The following RAB3GAP1 variants were observed in gnomAD, a reference collection of about 807,000 sequenced individuals.
The protein encoded by RAB3GAP1 is rab3 GTPase-activating protein catalytic subunit.
In RAB3GAP1, 86 loss-of-function variants were observed where a neutral mutation model predicts 130.7. The observed-to-expected ratio is 0.66, with a 90% CI of 0.55 to 0.79. The LOEUF is 0.79. Ranked by LOEUF, RAB3GAP1 falls within the 30% of genes least tolerant of loss-of-function variation. The pLI is 0.00. For missense variants in RAB3GAP1, 1,029 were observed against 1,169.4 expected (o/e 0.88, Z 1.75); for synonymous variants, 367 against 401.7 (o/e 0.91, Z 1.03).
chr2:135,134,091 AC>A, intron 15 of RAB3GAP1, 58 bp downstream of exon 15: 4 of 1,594,878 alleles, frequency 2.5e-6, no homozygotes, highest in Non-Finnish European at 3.4e-6. Flanking sequence ...CAGACATTTG[AC>A]TTTTGACCTA....
At chr2:135,106,624 G>T (rs991526607) in intron 5 of RAB3GAP1, among the ~76,000 whole-genome samples, 9 of 152,042 alleles carry the variant, frequency 5.9e-5, no homozygotes, top group East Asian at 1.9e-4. Flanking sequence ...GCGGAAGGCC[G>T]CAGGGTCCTC....
At chr2:135,137,309 G>A (rs13406241) in intron 17 of RAB3GAP1, 3 of 236,642 alleles carry the variant, frequency 1.3e-5, no homozygotes, top group East Asian at 1.2e-4. Flanking sequence ...GAGTATGATC[G>A]CTTAGGGTGT....
At chr2:135,070,251 G>T (rs1689428921) in intron 3 of RAB3GAP1, among the ~76,000 whole-genome samples, 1 of 152,184 alleles carries the variant, frequency 6.6e-6, no homozygotes, top group Admixed American at 6.5e-5. Context: ...TGTGTCCCGG[G>T]CTGCAGTCCT....
chr2:135,096,816 T>A (rs1393358311), intron 5 of RAB3GAP1, among the ~76,000 whole-genome samples: 2 of 152,168 alleles, frequency 1.3e-5, no homozygotes, highest in African/African-American at 4.8e-5. Flanking sequence ...GTTATGAGGA[T>A]CAAATAAGAT....
intron 5 of RAB3GAP1, among the ~76,000 whole-genome samples, chr2:135,112,834 T>TCTCTCA (rs952841554): frequency 1.2e-4 from 16 of 132,470 alleles, no homozygotes; most frequent in African/African-American, 4.9e-4. Flanking sequence ...TCTCTCTCTC[T>TCTCTCA]CACACACACA....
At chr2:135,094,186 C>G (rs1352563338) in intron 5 of RAB3GAP1, among the ~76,000 whole-genome samples, 1 of 152,168 alleles carries the variant, frequency 6.6e-6, no homozygotes, top group African/African-American at 2.4e-5. Context: ...CTCCCCAAAT[C>G]CCATTTCCCA....
chr2:135,129,611 G>C (rs1170116143), intron 11 of RAB3GAP1, among the ~76,000 whole-genome samples: 10 of 152,034 alleles, frequency 6.6e-5, no homozygotes, highest in Admixed American at 6.5e-4. Flanking sequence ...AATGGATTTA[G>C]ATTCTAGTAG....
chr2:135,106,397 T>C (rs553267714), intron 5 of RAB3GAP1, among the ~76,000 whole-genome samples: 1 of 152,344 alleles, frequency 6.6e-6, no homozygotes, highest in Non-Finnish European at 1.5e-5. Context: ...GAGACTCCAT[T>C]TTGTTCTGTA....
chr2:135,095,225 T>G (rs1690258771), intron 5 of RAB3GAP1, among the ~76,000 whole-genome samples: 1 of 152,176 alleles, frequency 6.6e-6, no homozygotes, highest in African/African-American at 2.4e-5. Flanking sequence ...ATTTTTTGTA[T>G]TTTTAGTAGA....
At position 135,135,252 on chromosome 2, in the gene RAB3GAP1, CTTTA is replaced by C. The variant is rs773735842; in HGVS notation, c.1500-9_1500-6del. On this transcript the variant is annotated splice_polypyrimidine_tract_variant and intron_variant, in intron 15 of 23. Coordinates refer to ENST00000264158, the MANE Select transcript of RAB3GAP1 (RefSeq NM_012233.3). ...AAAACTAAGCTTTCTTTTCTCCTTA[CTTTA>C]TTTGATAGATTAGCAAGTGGACCCC... 2 of 1,602,024 alleles carry C rather than the reference CTTTA, an allele frequency of 1.2e-6. No homozygotes were observed. Among genetic ancestry groups the C allele is most frequent in the Non-Finnish European group, 1.7e-6 (2 of 1,169,210 alleles).
intron 8 of RAB3GAP1, among the ~76,000 whole-genome samples, chr2:135,122,449 T>G (rs1312379070): frequency 6.6e-6 from 1 of 152,226 alleles, no homozygotes; most frequent in African/African-American, 2.4e-5. Flanking sequence ...GCTCGTGATC[T>G]GTGAAGAAGC....
chr2:135,164,711 T>A lies in RAB3GAP1; in HGVS notation c.2709+15T>A. On this transcript the variant is annotated intron_variant, in intron 23 of 23. Transcript: ENST00000264158. ...ATGCCCAGAGGGTATGTGAGAGTCA[T>A]TATTGACTCCATCATAATCTCTCCA... is the stretch of plus-strand genomic sequence containing the variant. 2 of 1,560,116 alleles carry A rather than the reference T, an allele frequency of 1.3e-6. No homozygotes were observed. The highest frequency in any genetic ancestry group is 1.8e-6 in the Non-Finnish European group (2 of 1,133,350).
chr2:135,132,382 A>G (rs1397576433), intron 13 of RAB3GAP1, among the ~76,000 whole-genome samples: 1 of 152,194 alleles, frequency 6.6e-6, no homozygotes, highest in Non-Finnish European at 1.5e-5. Flanking sequence ...TACATTGGTT[A>G]TTATAGGTTT....
intron 3 of RAB3GAP1, among the ~76,000 whole-genome samples, chr2:135,061,663 A>G (rs548680101): frequency 1.3e-5 from 2 of 151,630 alleles, no homozygotes; most frequent in African/African-American, 4.8e-5. Flanking sequence ...GAGTTGTAGG[A>G]GTTCTTTTAG....
intron 10 of RAB3GAP1, 31 bp from the exon 11 acceptor site, chr2:135,126,552 A>G (rs1420346628): frequency 1.3e-6 from 2 of 1,551,518 alleles, no homozygotes; most frequent in South Asian, 1.1e-5. Context: ...TGTCATAATT[A>G]GGATTTTATA....
At chr2:135,054,329 T>G (rs1447402075) in intron 2 of RAB3GAP1, among the ~76,000 whole-genome samples, 1 of 152,142 alleles carries the variant, frequency 6.6e-6, no homozygotes, top group Non-Finnish European at 1.5e-5. Flanking sequence ...TGAGAGACCC[T>G]TCGTTTTAGA....
In RAB3GAP1 at chr2:135,092,704, C is replaced by G. The variant is rs143059389; in HGVS notation, c.284-911C>G. Among the ~76,000 whole-genome samples, 444 of 152,278 alleles carry G rather than the reference C, an allele frequency of 2.9e-3. 3 individuals carry two copies. The highest frequency in any genetic ancestry group is 0.01 in the African/African-American group (424 of 41,560). ...CCACCTGCCTCGGCCTTCCAAAGTG[C>G]TGGGATTACAGGCGTGAATCACTGT... On this transcript the variant is annotated intron_variant, in intron 4 of 23. Coordinates refer to ENST00000264158, the MANE Select transcript of RAB3GAP1 (RefSeq NM_012233.3).
In RAB3GAP1 at chr2:135,059,583, T is replaced by C. The variant is rs563084702; in HGVS notation, c.150+1497T>C. Among the ~76,000 whole-genome samples, 263 of 152,296 alleles carry C rather than the reference T, an allele frequency of 1.7e-3. 1 individual carries two copies. Among genetic ancestry groups the C allele is most frequent in the African/African-American group, 6.2e-3 (258 of 41,570 alleles). On this transcript the variant is annotated intron_variant, in intron 3 of 23. Transcript: ENST00000264158. ...AATTTGATACATGCATATAATCAAA[T>C]CAGGGTACTTGGGAACCCTTAAATA...
At position 135,163,037 on chromosome 2, in the gene RAB3GAP1, T is replaced by G. The variant is rs760563819; in HGVS notation, c.2542T>G (p.Ser848Ala). The G allele has an allele frequency of 6.2e-7, 1 of 1,613,918 alleles. No individual in the cohort carries two copies. The highest frequency in any genetic ancestry group is 1.3e-5 in the African/African-American group (1 of 74,904). ...NVEALIARAR[S>A]LKAKFGTEKC... ...GGAAGCTCTCATTGCCAGAGCTCGGTCACTAAAAGCCAAGTTTGGAACTGA... is the reference window on the plus strand; with the variant it reads ...GGAAGCTCTCATTGCCAGAGCTCGGGCACTAAAAGCCAAGTTTGGAACTGA... The change falls in exon 22 of 24, where the codon TCA becomes GCA. Residue 848 changes from serine (S) to alanine (A), a missense_variant. Physicochemically the swap from Ser to Ala is moderately conservative, Grantham distance 99. This residue lies in a region of RAB3GAP1 where 373 missense variants were observed against 493.6 expected (regional missense o/e 0.76). Coordinates refer to ENST00000264158, the MANE Select transcript of RAB3GAP1 (RefSeq NM_012233.3).
Sources: allele counts gnomAD v4.1 joint callset (sites outside exome capture counted in the v4.1 genomes callset), GRCh38; gene constraint gnomAD v4.1.1; regional missense constraint gnomAD v4.1.1; transcripts MANE v1.5; gene names NCBI Gene and HGNC (gene_info 2026-07-23, HGNC 2026-07-21).